Variants in EARS2 observed in about 807,000 individuals in gnomAD.
EARS2 encodes nondiscriminating glutamyl-tRNA synthetase EARS2, mitochondrial.
Under a neutral mutation model 54.1 loss-of-function variants are expected in EARS2, and 50 were observed. That is an observed-to-expected ratio of 0.92 (90% CI 0.74 to 1.17). The LOEUF is 1.17. EARS2 is among the 50% of genes most tolerant of loss of function. EARS2 has a pLI of 0.00. For synonymous variants in EARS2, 298 were observed against 281.0 expected, an observed-to-expected ratio of 1.06 and a Z score of -0.61; for missense variants, 673 against 675.0, an observed-to-expected ratio of 1.00 and a Z score of 0.03.
chr16:23,556,166 G>C (rs1030581717), intron 1 of EARS2, among the ~76,000 whole-genome samples: 1 of 152,162 alleles, frequency 6.6e-6, no homozygotes, highest in Non-Finnish European at 1.5e-5. Context: ...TGTTCATCCT[G>C]GGATTTGGGA....
At chr16:23,532,993 A>G (rs1474564704) in intron 4 of EARS2, among the ~76,000 whole-genome samples, 1 of 151,894 alleles carries the variant, frequency 6.6e-6, no homozygotes, top group Non-Finnish European at 1.5e-5. Flanking sequence ...TAATTTTTAA[A>G]TTTTTCTGTA....
chr16:23,555,365 G>C (rs186236899), intron 1 of EARS2, among the ~76,000 whole-genome samples: 1 of 152,246 alleles, frequency 6.6e-6, no homozygotes, highest in Non-Finnish European at 1.5e-5. Context: ...TCACACACTT[G>C]TAGTCCCAGC....
intron 3 of EARS2, among the ~76,000 whole-genome samples, chr16:23,541,922 G>C (rs551990630): frequency 6.6e-6 from 1 of 150,744 alleles, no homozygotes; most frequent in East Asian, 2.0e-4. Flanking sequence ...ACAATGGCAT[G>C]ATCTCAGCTC....
chr16:23,538,448 A>G (rs938716774), intron 3 of EARS2, among the ~76,000 whole-genome samples: 7 of 151,644 alleles, frequency 4.6e-5, no homozygotes, highest in Admixed American at 3.9e-4. Context: ...TTCTAGTTGT[A>G]TTAATCTGTC....
In EARS2 at chr16:23,544,529, T is replaced by C. The variant is rs1314034872; in HGVS notation, c.470A>G (p.Asn157Ser). 1.9e-6 allele frequency: 3 copies of C among 1,613,614 alleles called. No individual in the cohort carries two copies. Among genetic ancestry groups the C allele is most frequent in the Non-Finnish European group, 8.5e-7 (1 of 1,179,814 alleles). ...LELLKKEALR[N>S]HQTPRYDNRC... ...AGGTTCTTACCGGGGCGTCTGGTGG[T>C]TCCGCAAGGCCTCCTTCTTCAGGAG... The change falls in exon 3 of 9, where the codon AAC becomes AGC. Residue 157 changes from asparagine to serine, a missense_variant. Around this residue, in one of 3 missense-constraint regions of EARS2, gnomAD observed 316 missense variants for 275.2 expected, o/e 1.15. Coordinates refer to ENST00000449606, the MANE Select transcript of EARS2 (RefSeq NM_001083614.2).
intron 7 of EARS2, among the ~76,000 whole-genome samples, chr16:23,528,915 C>A (rs1965275011): frequency 6.6e-6 from 1 of 152,104 alleles, no homozygotes; most frequent in Non-Finnish European, 1.5e-5. Flanking sequence ...GAGTCTTGCC[C>A]TCTAGTTACC....
Position 23,522,049 on chromosome 16 carries a change from A to G in EARS2, c.*2322T>C. 9.2e-6 allele frequency: 3 copies of G among 327,226 alleles called. No homozygotes were observed. The highest frequency in any genetic ancestry group is 1.8e-5 in the Non-Finnish European group (3 of 164,318). The allele number at this position is 327,226 out of a possible 1,614,324, so 20.3% of individuals were successfully genotyped here. On this transcript the variant is annotated 3_prime_UTR_variant, in exon 9 of 9. Transcript: ENST00000449606. ...TAAAAAAAATTTACTGAGATGATGG[A>G]CTAAGGCATTTACGAGCATTATCTG...
At chr16:23,533,643 C>T (rs978609432) in intron 4 of EARS2, among the ~76,000 whole-genome samples, 4 of 152,226 alleles carry the variant, frequency 2.6e-5, no homozygotes, top group African/African-American at 7.2e-5. Flanking sequence ...TCTCAAGACA[C>T]GAGCTGCAGA....
intron 7 of EARS2, among the ~76,000 whole-genome samples, chr16:23,525,721 C>T (rs1026180301): frequency 8.5e-5 from 13 of 152,082 alleles, no homozygotes; most frequent in Admixed American, 2.0e-4. Flanking sequence ...CTGAGGCTGG[C>T]GCAGTGGCTC....
intron 8 of EARS2, chr16:23,524,872 T>A: frequency 2.3e-6 from 1 of 425,570 alleles, no homozygotes; most frequent in East Asian, 4.5e-5. Flanking sequence ...CTCAAACTCC[T>A]GACCTCAGGT....
Position 23,557,115 on chromosome 16 carries a change from C to G in EARS2, c.139+90G>C. 3 of 1,471,038 alleles carry G rather than the reference C, an allele frequency of 2.0e-6. No homozygotes were observed. The South Asian group carries it at 4.2e-5, about 21-fold the overall frequency. The allele number at this position is 1,471,038 out of a possible 1,614,324, so 91.1% of individuals were successfully genotyped here. Reference sequence around the variant, plus strand: ...ACCCTCCTCCGCCCGCCCACTCTGACACCACCGGAAAGGATTCATTCGGGA... The same window carrying G: ...ACCCTCCTCCGCCCGCCCACTCTGAGACCACCGGAAAGGATTCATTCGGGA... On this transcript the variant is annotated intron_variant, in intron 1 of 8. Transcript: ENST00000449606.
At chr16:23,524,885 T>C in intron 8 of EARS2, 2 of 448,216 alleles carry the variant, frequency 4.5e-6, no homozygotes, top group Non-Finnish European at 7.9e-6. Flanking sequence ...CCTCAGGTGA[T>C]CCACCTGCCT....
chr16:23,542,662 C>T (rs1965535621), intron 3 of EARS2, among the ~76,000 whole-genome samples: 1 of 152,104 alleles, frequency 6.6e-6, no homozygotes, highest in African/African-American at 2.4e-5. Flanking sequence ...TTACTTTACA[C>T]ATTACTTTCT....
At position 23,549,368 on chromosome 16, in the gene EARS2, C is replaced by A. The variant is rs1227957960; in HGVS notation, c.295+2781G>T. Among the ~76,000 whole-genome samples the A allele has an allele frequency of 1.3e-5, 2 of 152,194 alleles. 1 individual carries two copies. Among genetic ancestry groups the A allele is most frequent in the Admixed American group, 1.3e-4 (2 of 15,278 alleles). On this transcript the variant is annotated intron_variant, in intron 2 of 8. Coordinates refer to ENST00000449606, the MANE Select transcript of EARS2 (RefSeq NM_001083614.2). ...GTCCAGCCATGGGCTGAGTGTGGAGCCATGGCAGGTGTGGGATCCAAGTGG... is the reference window on the plus strand; with the variant it reads ...GTCCAGCCATGGGCTGAGTGTGGAGACATGGCAGGTGTGGGATCCAAGTGG...
In EARS2 at chr16:23,552,153, C is replaced by T. The variant is rs753432308; in HGVS notation, c.291G>A (p.Trp97Ter). 1.2e-6 allele frequency: 2 copies of T among 1,613,412 alleles called. No individual in the cohort carries two copies. Among genetic ancestry groups the T allele is most frequent in the Admixed American group, 3.3e-5 (2 of 60,008 alleles). Residue 97 changes from tryptophan to a stop codon, truncating the protein, a stop_gained, in exon 2 of 9, where the codon TGG becomes TGA. Coordinates refer to ENST00000449606, the MANE Select transcript of EARS2 (RefSeq NM_001083614.2). LOFTEE classifies it high-confidence loss of function. ...AAENIEDMLE[W>*]AGIPPDESPR... ...TCCTTTCTCTGCCAGGCTTACCTGC[C>T]CACTCCAGCATGTCCTCAATATTCT...
chr16:23,557,167 G>C (rs372647103), intron 1 of EARS2, 38 bp downstream of exon 1: 43 of 1,504,688 alleles, frequency 2.9e-5, no homozygotes, highest in Admixed American at 2.0e-4. Flanking sequence ...GACGGGACAG[G>C]GGGCCTCGGC....
chr16:23,544,386 G>C lies in EARS2; in HGVS notation c.485+128C>G, dbSNP rs1597020914. 6.4e-6 allele frequency: 6 copies of C among 937,716 alleles called. No individual in the cohort carries two copies. The East Asian group carries it at 1.6e-4, about 25-fold the overall frequency. The allele number at this position is 937,716 out of a possible 1,614,324, so 58.1% of individuals were successfully genotyped here. ...TCCCTGAGCCAAAGAAACAGGTGAG[G>C]CCACGCTCAGATGCCTGACCCACAG... On this transcript the variant is annotated intron_variant, in intron 3 of 8. Coordinates refer to ENST00000449606, the MANE Select transcript of EARS2 (RefSeq NM_001083614.2).
chr16:23,540,974 G>A (rs1288095607), intron 3 of EARS2, among the ~76,000 whole-genome samples: 1 of 151,916 alleles, frequency 6.6e-6, no homozygotes, highest in Non-Finnish European at 1.5e-5. Flanking sequence ...CTGGGCAACA[G>A]AGCAAGACTC....
intron 3 of EARS2, among the ~76,000 whole-genome samples, chr16:23,536,296 TTCAA>T (rs1202424906): frequency 1.3e-5 from 2 of 152,116 alleles, no homozygotes; most frequent in African/African-American, 2.4e-5. Context: ...CAGCTAAGTG[TTCAA>T]TCAATCAATA....
Sources: gnomAD v4.1 joint callset for allele counts (sites outside exome capture counted in the v4.1 genomes callset) on GRCh38, gnomAD v4.1.1 for gene constraint, gnomAD v4.1.1 regional missense constraint, MANE v1.5 for transcripts, NCBI Gene and HGNC (gene_info 2026-07-23, HGNC 2026-07-21) for gene names.